E2F1: variants seen among roughly 807,000 people sequenced by gnomAD.
The protein encoded by E2F1 is transcription factor E2F1.
Under a neutral mutation model 36.9 loss-of-function variants are expected in E2F1, and 7 were observed. That is an observed-to-expected ratio of 0.19 (90% CI 0.11 to 0.36). The LOEUF is 0.36. E2F1 is among the 10% of genes least tolerant of loss of function. E2F1 has a pLI of 1.00. For missense variants in E2F1, 406 were observed against 573.6 expected (o/e 0.71, Z 2.99); for synonymous variants, 261 against 263.1 (o/e 0.99, Z 0.08).
At chr20:33,680,018 C>T (rs1165329665) in intron 2 of E2F1, 44 bp from the exon 3 acceptor site, 1 of 1,467,440 alleles carries the variant, frequency 6.8e-7, no homozygotes, top group African/African-American at 1.4e-5. Flanking sequence ...TCAGCATCCA[C>T]CCCCACCTCC....
chr20:33,676,617 A>G lies in E2F1; in HGVS notation c.*115T>C. The G allele has an allele frequency of 1.4e-6, 2 of 1,401,066 alleles. No individual in the cohort carries two copies. Among genetic ancestry groups the G allele is most frequent in the Admixed American group, 2.8e-5 (1 of 36,046 alleles). The allele number at this position is 1,401,066 out of a possible 1,614,324, so 86.8% of individuals were successfully genotyped here. On this transcript the variant is annotated 3_prime_UTR_variant, in exon 7 of 7. Coordinates refer to ENST00000343380, the MANE Select transcript of E2F1 (RefSeq NM_005225.3). ...CTAGAAGCTTCTGGAGACAGAGGAG[A>G]GGGGTATAAATTAAATGTTTCCAAA...
intron 1 of E2F1, among the ~76,000 whole-genome samples, chr20:33,681,971 G>T (rs1310574988): frequency 6.6e-6 from 1 of 152,018 alleles, no homozygotes; most frequent in Non-Finnish European, 1.5e-5. Flanking sequence ...AATCTAGACT[G>T]CCCTTGCATC....
chr20:33,680,131 T>C (rs1011733960), intron 2 of E2F1, among the ~76,000 whole-genome samples, 157 bp from the exon 3 acceptor site: 1 of 152,234 alleles, frequency 6.6e-6, no homozygotes, highest in African/African-American at 2.4e-5. Flanking sequence ...ATTCTTCTTC[T>C]GGCTGGGGAA....
At chr20:33,684,811 C>T (rs954455401) in intron 1 of E2F1, among the ~76,000 whole-genome samples, 1 of 152,108 alleles carries the variant, frequency 6.6e-6, no homozygotes, top group Admixed American at 6.5e-5. Context: ...CACCCACACC[C>T]CCATCAGCAG....
rs1425589540 is a variant in E2F1, at chr20:33,686,037, G to A, written c.228C>T (p.Pro76=). Residue 76 remains proline, a synonymous_variant, in exon 1 of 7, where the codon CCC becomes CCT. Transcript: ENST00000343380. ...GGCCGAGCGCGGGCCGCGGCGCACT[G>A]GGTGTGGGCCGGGGCGCCTGCGGTG... ...FATPQAPRPT[P]SAPRPALGRP... The A allele has an allele frequency of 1.2e-5, 14 of 1,135,580 alleles. No individual in the cohort carries two copies. Among genetic ancestry groups the A allele is most frequent in the South Asian group, 8.5e-5 (2 of 23,482 alleles). The allele number at this position is 1,135,580 out of a possible 1,614,324, so 70.3% of individuals were successfully genotyped here.
At position 33,676,730 on chromosome 20, in the gene E2F1, T is replaced by G; in HGVS notation, c.*2A>C. On this transcript the variant is annotated 3_prime_UTR_variant, in exon 7 of 7. Coordinates refer to ENST00000343380, the MANE Select transcript of E2F1 (RefSeq NM_005225.3). Reference sequence around the variant, plus strand: ...TGGAAACCCTGGTCCCTCCAAGCCCTGTCAGAAATCCAGGGGGGTGAGGTC... The same window carrying G: ...TGGAAACCCTGGTCCCTCCAAGCCCGGTCAGAAATCCAGGGGGGTGAGGTC... The G allele has an allele frequency of 1.9e-6, 3 of 1,606,974 alleles. No individual in the cohort carries two copies. Among genetic ancestry groups the G allele is most frequent in the Non-Finnish European group, 2.5e-6 (3 of 1,176,754 alleles).
Position 33,676,746 on chromosome 20 carries a change from G to T in E2F1, c.1300C>A (p.Pro434Thr). 6.2e-7 allele frequency: 1 copy of T among 1,609,220 alleles called. No homozygotes were observed. Among genetic ancestry groups the T allele is most frequent in the Non-Finnish European group, 8.5e-7 (1 of 1,177,876 alleles). Residue 434 changes from proline to threonine, a missense_variant, in exon 7 of 7, where the codon CCC becomes ACC. Coordinates refer to ENST00000343380, the MANE Select transcript of E2F1 (RefSeq NM_005225.3). ...LFDCDFGDLT[P>T]LDF Reference sequence around the variant, plus strand: ...TCCAAGCCCTGTCAGAAATCCAGGGGGGTGAGGTCCCCAAAGTCACAGTCG... The same window carrying T: ...TCCAAGCCCTGTCAGAAATCCAGGGTGGTGAGGTCCCCAAAGTCACAGTCG...
intron 1 of E2F1, among the ~76,000 whole-genome samples, chr20:33,685,363 C>G (rs767099312): frequency 1.3e-5 from 2 of 152,134 alleles, no homozygotes; most frequent in Non-Finnish European, 2.9e-5. Flanking sequence ...AGGGCTGTCC[C>G]CAGAGGCCTG....
intron 3 of E2F1, among the ~76,000 whole-genome samples, chr20:33,678,715 G>C (rs2017989793): frequency 6.6e-6 from 1 of 152,002 alleles, no homozygotes; most frequent in Non-Finnish European, 1.5e-5. Context: ...GCACTTTGGG[G>C]GGCTGAGGCC....
chr20:33,682,585 A>G (rs2018027976), intron 1 of E2F1, among the ~76,000 whole-genome samples: 1 of 151,984 alleles, frequency 6.6e-6, no homozygotes, highest in Admixed American at 6.6e-5. Flanking sequence ...TGGGATCCCC[A>G]CCCTTGTCCA....
intron 2 of E2F1, 133 bp from the exon 3 acceptor site, chr20:33,680,107 A>C (rs747842873): frequency 2.1e-6 from 2 of 937,292 alleles, no homozygotes; most frequent in Non-Finnish European, 3.3e-6. Flanking sequence ...CCCCTTGGCG[A>C]GGCCAACCAC....
intron 1 of E2F1, among the ~76,000 whole-genome samples, chr20:33,681,419 G>T (rs2018016274): frequency 6.6e-6 from 1 of 152,282 alleles, no homozygotes; most frequent in Admixed American, 6.5e-5. Context: ...GTAGCAGCTG[G>T]TGCTCATCAA....
chr20:33,683,826 T>C (rs552238929), intron 1 of E2F1, among the ~76,000 whole-genome samples: 75 of 152,334 alleles, frequency 4.9e-4, no homozygotes, highest in African/African-American at 1.8e-3. Context: ...ATTAAACATG[T>C]ATTATAGTTA....
chr20:33,677,315 G>A lies in E2F1; in HGVS notation c.856C>T (p.Leu286Phe), dbSNP rs1411968038. Residue 286 changes from leucine to phenylalanine, a missense_variant, in exon 6 of 7, where the codon CTT becomes TTT. Leu to Phe is a conservative substitution (Grantham distance 22). Around this residue, in one of 5 missense-constraint regions of E2F1, gnomAD observed 93 missense variants for 143.3 expected, o/e 0.65. Transcript: ENST00000343380. The stretch of plus-strand genomic sequence containing the variant: ...TCGATCGGGCCTTGTTTGCTCTTAA[G>A]GGAGATCTGAAAGTTCTGGGTGGAA... ...VDSSENFQIS[L>F]KSKQGPIDVF... is the part of the protein sequence containing the mutation. 5.0e-6 allele frequency: 8 copies of A among 1,613,458 alleles called. No individual in the cohort carries two copies. The highest frequency in any genetic ancestry group is 3.3e-5 in the Admixed American group (2 of 59,944).
Position 33,686,079 on chromosome 20 carries a change from G to T in E2F1, c.186C>A (p.Asp62Glu). The stretch of plus-strand genomic sequence containing the variant: ...CCTGCGGTGTGGCGAAGAGCAGCAG[G>T]TCAGGGTCGCAGGGGCCGGCGGCGG... Reference protein sequence around the residue: ...AAPAAGPCDPDLLLFATPQAP... With the variant: ...AAPAAGPCDPELLLFATPQAP... Residue 62 changes from aspartate to glutamate, a missense_variant, in exon 1 of 7, where the codon GAC (aspartate) becomes GAA (glutamate). Transcript: ENST00000343380. 4.5e-6 allele frequency: 5 copies of T among 1,111,364 alleles called. No homozygotes were observed. The highest frequency in any genetic ancestry group is 1.0e-4 in the Admixed American group (2 of 19,694). 68.8% of individuals were successfully genotyped at this position (1,111,364 alleles called of 1,614,324 possible).
At chr20:33,681,618 G>A (rs1280228595) in intron 1 of E2F1, among the ~76,000 whole-genome samples, 1 of 151,998 alleles carries the variant, frequency 6.6e-6, no homozygotes, top group Non-Finnish European at 1.5e-5. Flanking sequence ...TCCAGGATTG[G>A]GACTGTCCTG....
chr20:33,680,480 G>T, intron 1 of E2F1, 64 bp from the exon 2 acceptor site: 1 of 1,483,378 alleles, frequency 6.7e-7, no homozygotes, highest in Non-Finnish European at 9.3e-7. Context: ...CTGGCTTAAG[G>T]CTGGGTGCCT....
rs2017955491 is a variant in E2F1 at position 33,676,362 on chromosome 20, C to T, written c.*370G>A. 2.3e-5 allele frequency: 4 copies of T among 176,000 alleles called. No individual in the cohort carries two copies. The highest frequency in any genetic ancestry group is 1.6e-4 in the East Asian group (1 of 6,414). 10.9% of individuals were successfully genotyped at this position (176,000 alleles called of 1,614,324 possible). The stretch of plus-strand genomic sequence containing the variant: ...CGAAAGTGCAGTTAGAGCCCCCCCA[C>T]GCGCACACATGGACTCATGCACACA... On this transcript the variant is annotated 3_prime_UTR_variant, in exon 7 of 7. Coordinates refer to ENST00000343380, the MANE Select transcript of E2F1 (RefSeq NM_005225.3).
At position 33,676,142 on chromosome 20, in the gene E2F1, G is replaced by T. The variant is rs186095470; in HGVS notation, c.*590C>A. Reference sequence around the variant, plus strand: ...CCTCCTCCCCTTTGCTGATTCCCCAGGCTCACCAAAGAGGCCTCGATAAAT... The same window carrying T: ...CCTCCTCCCCTTTGCTGATTCCCCATGCTCACCAAAGAGGCCTCGATAAAT... On this transcript the variant is annotated 3_prime_UTR_variant, in exon 7 of 7. Transcript: ENST00000343380. The T allele has an allele frequency of 6.5e-6, 1 of 152,930 alleles. No individual in the cohort carries two copies. The highest frequency in any genetic ancestry group is 1.5e-5 in the Non-Finnish European group (1 of 68,170). 9.5% of individuals were successfully genotyped at this position (152,930 alleles called of 1,614,324 possible). A position where few individuals can be genotyped will look rare whatever the true frequency, so the allele number is the denominator to read the frequency against.
Sources: gnomAD v4.1 joint callset for allele counts (sites outside exome capture counted in the v4.1 genomes callset) on GRCh38, gnomAD v4.1.1 for gene constraint, gnomAD v4.1.1 regional missense constraint, MANE v1.5 for transcripts, NCBI Gene and HGNC (gene_info 2026-07-23, HGNC 2026-07-21) for gene names.